The following PCDHGB3 variants were observed in gnomAD, a reference collection of about 807,000 sequenced individuals.
The protein encoded by PCDHGB3 is protocadherin gamma subfamily B, 3, also known as protocadherin gamma-B3.
Under a neutral mutation model 59.2 loss-of-function variants are expected in PCDHGB3, and 40 were observed. The observed-to-expected ratio is 0.68, with a 90% CI of 0.52 to 0.88. PCDHGB3 has a LOEUF of 0.88. Ranked by LOEUF, PCDHGB3 falls within the 40% of genes least tolerant of loss-of-function variation. PCDHGB3 has a pLI of 0.00. For missense variants in PCDHGB3, 1,309 were observed against 1,187.9 expected (o/e 1.10, Z -1.50); for synonymous variants, 581 against 503.6 (o/e 1.15, Z -2.06).
chr5:141,375,186 T>C, intron 1 of PCDHGB3: 1 of 1,613,988 alleles, frequency 6.2e-7, no homozygotes, highest in Non-Finnish European at 8.5e-7. Context: ...GTAATCGCCC[T>C]TTTTCAAGTG....
chr5:141,412,215 C>T (rs1265657058), intron 1 of PCDHGB3: 1 of 152,240 alleles, frequency 6.6e-6, no homozygotes, highest in Non-Finnish European at 1.5e-5. Flanking sequence ...GACATAAACA[C>T]TTACTTGTTA....
chr5:141,485,421 C>G lies in PCDHGB3; in HGVS notation c.2416-9386C>G. The G allele has an allele frequency of 6.2e-7, 1 of 1,614,112 alleles. No individual in the cohort carries two copies. The highest frequency in any genetic ancestry group is 1.1e-5 in the South Asian group (1 of 91,080). ...TTCCGTGTGGATTTGGACAGCGGAG[C>G]CCTGCTCATCAAGAACCCAATCGAC... On this transcript the variant is annotated intron_variant, in intron 1 of 3. Transcript: ENST00000576222. This position sits in a 1 kb window ranked among gnomAD's most constrained non-coding sequence, Gnocchi z 5.7.
intron 1 of PCDHGB3, chr5:141,385,549 C>G (rs2090279237): frequency 7.6e-7 from 1 of 1,316,048 alleles, no homozygotes; most frequent in Non-Finnish European, 9.7e-7. Context: ...TGGACTATCA[C>G]ATTTTATAAT....
intron 1 of PCDHGB3, chr5:141,385,218 C>G (rs765263628): frequency 6.2e-7 from 1 of 1,614,234 alleles, no homozygotes; most frequent in South Asian, 1.1e-5. Flanking sequence ...TCCCCCAGCC[C>G]AACTATGTAG....
chr5:141,371,213 C>A lies in PCDHGB3; in HGVS notation c.819C>A (p.Ile273=). ...KVMAIDMDEG[I]NAEIIYAFIN... ...TGGCCATTGACATGGATGAGGGCAT[C>A]AATGCCGAAATCATCTATGCCTTCA... The change falls in exon 1 of 4, where the codon ATC becomes ATA. Residue 273 remains isoleucine (I), a synonymous_variant. Transcript: ENST00000576222. The A allele has an allele frequency of 6.2e-7, 1 of 1,614,002 alleles. No homozygotes were observed. Among genetic ancestry groups the A allele is most frequent in the Non-Finnish European group, 8.5e-7 (1 of 1,179,868 alleles).
chr5:141,441,656 C>A, intron 1 of PCDHGB3: 1 of 247,684 alleles, frequency 4.0e-6, no homozygotes, highest in Non-Finnish European at 8.1e-6. Flanking sequence ...TCTAGGTGTC[C>A]TTGAGCGCAC....
chr5:141,374,926 TG>T, intron 1 of PCDHGB3: 2 of 1,613,970 alleles, frequency 1.2e-6, no homozygotes, highest in Non-Finnish European at 1.7e-6. Context: ...CTTATTCCTT[TG>T]TGAAGATTAC....
rs2096205933 is a variant in PCDHGB3, at chr5:141,417,998, G to C, written c.2415+45189G>C. ...GGAGGAGCTGGCCAAGGGCTCGGTGGTGGGGAACCTCGCTAAGGATCTAGG... is the reference window on the plus strand; with the variant it reads ...GGAGGAGCTGGCCAAGGGCTCGGTGCTGGGGAACCTCGCTAAGGATCTAGG... On this transcript the variant is annotated intron_variant, in intron 1 of 3. Transcript: ENST00000576222. The C allele has an allele frequency of 1.9e-6, 3 of 1,613,928 alleles. No individual in the cohort carries two copies. The East Asian group carries it at 6.7e-5, about 36-fold the overall frequency.
chr5:141,393,078 A>G, intron 1 of PCDHGB3: 1 of 1,613,718 alleles, frequency 6.2e-7, no homozygotes, highest in Non-Finnish European at 8.5e-7. Context: ...CACCGCGGGC[A>G]GGATAGATCG....
chr5:141,422,165 A>G (rs771382434), intron 1 of PCDHGB3: 3 of 1,569,306 alleles, frequency 1.9e-6, no homozygotes, highest in Admixed American at 4.0e-5. Flanking sequence ...TTTGAAAAAT[A>G]TAGATTCTAT....
chr5:141,450,832 T>A (rs192186566), intron 1 of PCDHGB3, among the ~76,000 whole-genome samples: 5,292 of 142,276 alleles, frequency 0.037, 115 homozygotes, highest in Middle Eastern at 0.096. Flanking sequence ...TATTATTATT[T>A]TTTTTTTTTT....
rs1383090266 is a variant in PCDHGB3, at chr5:141,388,828, T to C, written c.2415+16019T>C. 6.2e-7 allele frequency: 1 copy of C among 1,613,894 alleles called. No homozygotes were observed. Among genetic ancestry groups the C allele is most frequent in the South Asian group, 1.1e-5 (1 of 91,070 alleles). ...TTTGAAGAAGTCAAAGAATATTCCA[T>C]AGTTTTGGAAGCAAGGGACGGTGGA... On this transcript the variant is annotated intron_variant, in intron 1 of 3. Coordinates refer to ENST00000576222, the MANE Select transcript of PCDHGB3 (RefSeq NM_018924.5).
At position 141,480,148 on chromosome 5, in the gene PCDHGB3, G is replaced by C. The variant is rs139861128; in HGVS notation, c.2416-14659G>C. On this transcript the variant is annotated intron_variant, in intron 1 of 3. Transcript: ENST00000576222. ...ATAACTGTTAAACAATTATTAGCCA[G>C]CTCCTAGCATTTTGGGAGGCTGAGG... 9.2e-4 allele frequency among the ~76,000 whole-genome samples: 140 copies of C among 152,036 alleles called. 1 individual carries two copies. The highest frequency in any genetic ancestry group is 3.1e-3 in the African/African-American group (127 of 41,470).
rs2091965953 is a variant in PCDHGB3 at position 141,389,909 on chromosome 5, C to T, written c.2415+17100C>T. ...AGGAGGTGCTGCCGGATATCACTGA[C>T]CGCCCCGACCCCTCTGACCTCCAGG... On this transcript the variant is annotated intron_variant, in intron 1 of 3. Transcript: ENST00000576222. 1.9e-6 allele frequency: 3 copies of T among 1,614,068 alleles called. No homozygotes were observed. In the South Asian group the frequency reaches 3.3e-5, roughly 18 times the overall value.
At chr5:141,428,163 C>T (rs759273230) in intron 1 of PCDHGB3, 77 of 1,564,636 alleles carry the variant, frequency 4.9e-5, no homozygotes, top group Non-Finnish European at 6.3e-5. Flanking sequence ...CTGCTGGTTG[C>T]TGTGCGTGAC....
intron 1 of PCDHGB3, chr5:141,394,322 G>C (rs1438978424): frequency 1.9e-6 from 3 of 1,613,842 alleles, no homozygotes; most frequent in Non-Finnish European, 2.5e-6. Context: ...CCCTGTCCTC[G>C]TATATCTCCA....
In PCDHGB3 at chr5:141,485,126, G is replaced by C; in HGVS notation, c.2416-9681G>C. ...TGCTGTGGCTGTTTGGGGCGGGTCG[G>C]CTTCATCCGCGTCTCAGGAGCAAGT... On this transcript the variant is annotated intron_variant, in intron 1 of 3. Transcript: ENST00000576222. The surrounding 1 kb of genome is among the most constrained non-coding windows in gnomAD (Gnocchi z 5.7). 1.4e-6 allele frequency: 2 copies of C among 1,432,378 alleles called. No homozygotes were observed. The highest frequency in any genetic ancestry group is 2.4e-5 in the South Asian group (2 of 81,724). 88.7% of individuals were successfully genotyped at this position (1,432,378 alleles called of 1,614,324 possible). A position where few individuals can be genotyped will look rare whatever the true frequency, so the allele number is the denominator to read the frequency against.
At position 141,399,889 on chromosome 5, in the gene PCDHGB3, G is replaced by A. The variant is rs2093912508; in HGVS notation, c.2415+27080G>A. 2.5e-6 allele frequency: 4 copies of A among 1,612,576 alleles called. No homozygotes were observed. In the African/African-American group the frequency reaches 5.3e-5, roughly 22 times the overall value. On this transcript the variant is annotated intron_variant, in intron 1 of 3. Coordinates refer to ENST00000576222, the MANE Select transcript of PCDHGB3 (RefSeq NM_018924.5). Reference sequence around the variant, plus strand: ...GCCCGGCTACCTGGTGACCAAGGTAGTGGCCGTGGACGCAGACTCAGGACA... The same window carrying A: ...GCCCGGCTACCTGGTGACCAAGGTAATGGCCGTGGACGCAGACTCAGGACA...
At chr5:141,398,550 A>G (rs1390355431) in intron 1 of PCDHGB3, 2 of 1,613,816 alleles carry the variant, frequency 1.2e-6, no homozygotes, top group Non-Finnish European at 1.7e-6. Context: ...TTGAGCTGCA[A>G]ATAAGTGAGT....
Sources: gnomAD v4.1 joint callset for allele counts (sites outside exome capture counted in the v4.1 genomes callset) on GRCh38, gnomAD v4.1.1 for gene constraint, Gnocchi (gnomAD v3.1) non-coding constraint, MANE v1.5 for transcripts, NCBI Gene and HGNC (gene_info 2026-07-23, HGNC 2026-07-21) for gene names.